Variants in DMD observed in about 807,000 individuals in gnomAD.
The protein encoded by DMD is dystrophin, also known as mutant dystrophin.
In DMD, 63 loss-of-function variants were observed where a neutral mutation model predicts 330.1. That is an observed-to-expected ratio of 0.19 (90% CI 0.16 to 0.24). The LOEUF (loss-of-function observed/expected upper bound fraction) is 0.24. Among genes scored for constraint, DMD ranks in the 10% least tolerant of loss-of-function variants. The pLI is 1.00. For synonymous variants in DMD, 1,223 were observed against 959.8 expected (o/e 1.27, Z -5.07); for missense variants, 3,344 against 2,684.1 (o/e 1.25, Z -5.43).
chrX:32,079,457 T>C (rs1380265489), intron 44 of DMD, among the ~76,000 whole-genome samples: 1 of 110,724 alleles, frequency 9.0e-6, no homozygotes, highest in Non-Finnish European at 1.9e-5. Flanking sequence ...CAGCTGGGCC[T>C]GGTGGTGCAT....
intron 17 of DMD, among the ~76,000 whole-genome samples, chrX:32,519,488 T>C (rs1377056484): frequency 9.0e-6 from 1 of 111,327 alleles, no homozygotes; most frequent in Non-Finnish European, 1.9e-5. Flanking sequence ...TATCTTAGTT[T>C]CCTTAAATTG....
chrX:32,386,264 A>T, intron 33 of DMD, 46 bp downstream of exon 33: 10 of 1,199,252 alleles, frequency 8.3e-6, no homozygotes, highest in Non-Finnish European at 1.1e-5. Flanking sequence ...TTTACAATTT[A>T]TAAGGAAAGT....
At chrX:31,461,926 C>T (rs1007232676) in intron 59 of DMD, among the ~76,000 whole-genome samples, 1 of 111,098 alleles carries the variant, frequency 9.0e-6, no homozygotes, top group Non-Finnish European at 1.9e-5. Flanking sequence ...TTATGGGAGC[C>T]CCCTAGCCCA....
intron 1 of DMD, among the ~76,000 whole-genome samples, chrX:33,191,341 C>T (rs2050631875): frequency 9.2e-6 from 1 of 109,090 alleles, no homozygotes; most frequent in African/African-American, 3.3e-5. Flanking sequence ...TAGATCTGAA[C>T]CTCCTCCTTT....
chrX:31,263,851 C>T (rs374060183), intron 62 of DMD, among the ~76,000 whole-genome samples: 12 of 112,416 alleles, frequency 1.1e-4, no homozygotes, highest in Non-Finnish European at 1.9e-4. Flanking sequence ...ATTCTTAAAA[C>T]GAGAAAAATA....
chrX:31,820,698 GA>G (rs1268510413), intron 49 of DMD, among the ~76,000 whole-genome samples: 1 of 111,595 alleles, frequency 9.0e-6, no homozygotes, highest in African/African-American at 3.3e-5. Context: ...TGATGAAGGT[GA>G]AAGTATAGAG....
At chrX:32,213,376 G>A (rs764610020) in intron 44 of DMD, among the ~76,000 whole-genome samples, 1 of 112,306 alleles carries the variant, frequency 8.9e-6, no homozygotes, top group Non-Finnish European at 1.9e-5. Context: ...TATCGATGAA[G>A]GTATCTTACG....
intron 52 of DMD, among the ~76,000 whole-genome samples, chrX:31,697,364 A>AT (rs896877166): frequency 1.7e-4 from 19 of 109,062 alleles, no homozygotes; most frequent in African/African-American, 4.3e-4. Context: ...CAATGTACAC[A>AT]TTTTTTTTTT....
chrX:32,522,404 T>A (rs962876918), intron 17 of DMD, among the ~76,000 whole-genome samples: 1 of 112,108 alleles, frequency 8.9e-6, no homozygotes, highest in Non-Finnish European at 1.9e-5. Context: ...TGGGGGTACA[T>A]GTGATAATTT....
intron 39 of DMD, among the ~76,000 whole-genome samples, chrX:32,343,689 A>G (rs2097755151): frequency 8.9e-6 from 1 of 111,775 alleles, no homozygotes; most frequent in African/African-American, 3.2e-5. Flanking sequence ...AAATTCTAAA[A>G]TGTATATCTT....
chrX:31,126,726 A>G (rs756959429), intron 77 of DMD, 53 bp from the exon 78 acceptor site: 1 of 926,435 alleles, frequency 1.1e-6, no homozygotes, highest in Non-Finnish European at 1.6e-6. Context: ...GAAAAAAAAC[A>G]TGCATAAATA....
intron 60 of DMD, among the ~76,000 whole-genome samples, chrX:31,429,053 C>T (rs1332720152): frequency 2.2e-4 from 24 of 108,077 alleles, no homozygotes; most frequent in African/African-American, 7.2e-4. Flanking sequence ...ACCCAGCAGG[C>T]GGAGGTTGCA....
intron 44 of DMD, among the ~76,000 whole-genome samples, chrX:32,156,001 CACACACACACACACA>C (rs1332885061): frequency 9.1e-6 from 1 of 109,914 alleles, no homozygotes; most frequent in Non-Finnish European, 1.9e-5. Context: ...CACACACACA[CACACACACACACACA>C]CCTGTATAGC....
chrX:32,135,533 C>G (rs2096720232), intron 44 of DMD, among the ~76,000 whole-genome samples: 1 of 111,470 alleles, frequency 9.0e-6, no homozygotes, highest in African/African-American at 3.3e-5. Flanking sequence ...GAGTTTGAGA[C>G]CAGATGGTGA....
At chrX:32,238,811 T>G (rs1172538792) in intron 43 of DMD, among the ~76,000 whole-genome samples, 1 of 111,910 alleles carries the variant, frequency 8.9e-6, no homozygotes, top group Non-Finnish European at 1.9e-5. Context: ...TCCTTGTTTT[T>G]GTAAAAATTT....
chrX:32,749,214 A>G (rs1438222738), intron 7 of DMD, among the ~76,000 whole-genome samples: 1 of 112,485 alleles, frequency 8.9e-6, no homozygotes, highest in Non-Finnish European at 1.9e-5. Context: ...CAGATAGGAA[A>G]AGAGAAAACT....
At chrX:32,866,724 T>TGGGGGGGGGGG (rs1200341173) in intron 2 of DMD, among the ~76,000 whole-genome samples, 1 of 38,411 alleles carries the variant, frequency 2.6e-5, no homozygotes, top group Non-Finnish European at 4.1e-5. Context: ...CACTTTTTTT[T>TGGGGGGGGGGG]GGGGGGGGGT....
At chrX:31,892,235 A>G (rs2094264322) in intron 47 of DMD, among the ~76,000 whole-genome samples, 1 of 112,415 alleles carries the variant, frequency 8.9e-6, no homozygotes, top group Non-Finnish European at 1.9e-5. Flanking sequence ...AGAAAATAAA[A>G]CAAAAATTTA....
chrX:32,491,723 T>C (rs1843784532), intron 19 of DMD, among the ~76,000 whole-genome samples: 1 of 111,580 alleles, frequency 9.0e-6, no homozygotes, highest in African/African-American at 3.3e-5. Flanking sequence ...ACAATGAATA[T>C]CAATGCCATC....
Sources: gnomAD v4.1 joint callset for allele counts (sites outside exome capture counted in the v4.1 genomes callset) on GRCh38, gnomAD v4.1.1 for gene constraint, MANE v1.5 for transcripts, NCBI Gene and HGNC (gene_info 2026-07-23, HGNC 2026-07-21) for gene names.